Variants in BRI3 observed in about 807,000 individuals in gnomAD.
The protein encoded by BRI3 is membrane protein BRI3.
A neutral mutation model predicts 12.8 loss-of-function variants in BRI3; 6 were observed. The ratio of observed to expected loss-of-function variants is 0.47; its 90% CI spans 0.26 to 0.93. The LOEUF (loss-of-function observed/expected upper bound fraction) is 0.93. BRI3 is among the 40% of genes least tolerant of loss of function. BRI3 has a pLI of 0.15. For synonymous variants in BRI3, 91 were observed against 76.1 expected (o/e 1.20, Z -1.02); for missense variants, 134 against 171.1 (o/e 0.78, Z 1.21).
chr7:98,307,371 G>A, intron 1 of BRI3: 1 of 1,161,540 alleles, frequency 8.6e-7, no homozygotes, highest in Non-Finnish European at 1.1e-6. Context: ...CTCCCAAAGT[G>A]CTGGGATTAC....
At position 98,291,407 on chromosome 7, in the gene BRI3, G is replaced by A; in HGVS notation, c.*164G>A. On this transcript the variant is annotated 3_prime_UTR_variant, in exon 3 of 3. Transcript: ENST00000297290. ...GTTTCCCGGAGCGTGGAGAGGCAGT[G>A]CTGCTGCTCCCGCCCGAGGCTCATG... 2 of 1,450,160 alleles carry A rather than the reference G, an allele frequency of 1.4e-6. No homozygotes were observed. Among genetic ancestry groups the A allele is most frequent in the South Asian group, 2.9e-5 (2 of 68,226 alleles). 89.8% of individuals were successfully genotyped at this position (1,450,160 alleles called of 1,614,324 possible).
the BRI3 span, chr7:98,320,352 T>C: frequency 7.2e-7 from 1 of 1,391,328 alleles, no homozygotes; most frequent in South Asian, 1.3e-5. Context: ...TTTTTTGTTT[T>C]GAAATGGAGT....
upstream of BRI3, chr7:98,306,445 G>A (rs751577726): frequency 4.3e-6 from 7 of 1,614,200 alleles, no homozygotes; most frequent in South Asian, 6.6e-5. Flanking sequence ...CTACCTTGGC[G>A]TGGGCACGGT....
At chr7:98,292,831 G>A (rs1005323842), downstream of BRI3, 19 of 1,472,470 alleles carry the variant, frequency 1.3e-5, no homozygotes, top group Admixed American at 1.3e-4. Flanking sequence ...CGTGTGCAGC[G>A]AATCCGTTGG....
chr7:98,298,171 G>A (rs965383063), intron 1 of BRI3, among the ~76,000 whole-genome samples: 5 of 152,238 alleles, frequency 3.3e-5, no homozygotes, highest in Non-Finnish European at 5.9e-5. Context: ...CTCTCAGATC[G>A]TCTAATAAGA....
At chr7:98,307,369 G>A (rs986101888) in intron 1 of BRI3, 2 of 1,158,082 alleles carry the variant, frequency 1.7e-6, no homozygotes, top group Non-Finnish European at 2.2e-6. Flanking sequence ...GCCTCCCAAA[G>A]TGCTGGGATT....
downstream of BRI3, among the ~76,000 whole-genome samples, chr7:98,296,407 C>T (rs1200635344): frequency 6.6e-6 from 1 of 152,202 alleles, no homozygotes; most frequent in African/African-American, 2.4e-5. Context: ...GGGCGCATCA[C>T]CTGAGGTCGG....
upstream of BRI3, among the ~76,000 whole-genome samples, chr7:98,303,788 T>G (rs1279521304): frequency 6.6e-6 from 1 of 151,956 alleles, no homozygotes; most frequent in Admixed American, 6.6e-5. Context: ...TGCCTGGGAG[T>G]AAAGACTTTC....
At chr7:98,297,718 A>G (rs1424424193), downstream of BRI3, among the ~76,000 whole-genome samples, 1 of 152,102 alleles carries the variant, frequency 6.6e-6, no homozygotes, top group Non-Finnish European at 1.5e-5. Context: ...AGCCACTGGG[A>G]TCTTTTTGGA....
chr7:98,304,922 G>A (rs1317714558), upstream of BRI3, among the ~76,000 whole-genome samples: 1 of 148,542 alleles, frequency 6.7e-6, no homozygotes, highest in Non-Finnish European at 1.5e-5. Context: ...GTGGAGTGCA[G>A]TGGCGCGATC....
At chr7:98,322,507 A>G in the BRI3 span, among the ~76,000 whole-genome samples, 1 of 152,152 alleles carries the variant, frequency 6.6e-6, no homozygotes. Flanking sequence ...GGAGGCCATC[A>G]TCGGAGCCAC....
At chr7:98,315,708 A>C in the BRI3 span, 2 of 541,096 alleles carry the variant, frequency 3.7e-6, no homozygotes, top group African/African-American at 3.9e-5. Flanking sequence ...CCATCTTTAC[A>C]CCTGCTTTAT....
chr7:98,304,340 C>G, upstream of BRI3: 1 of 1,613,772 alleles, frequency 6.2e-7, no homozygotes, highest in Non-Finnish European at 8.5e-7. Flanking sequence ...TATTCTCAGA[C>G]AAGTTCACGG....
At chr7:98,286,739 TC>T (rs1486496749) in intron 2 of BRI3, among the ~76,000 whole-genome samples, 1 of 152,184 alleles carries the variant, frequency 6.6e-6, no homozygotes, top group African/African-American at 2.4e-5. Context: ...ATGCCAACAC[TC>T]CTTTTGAGGT....
At chr7:98,299,140 C>T (rs1415665394) in intron 1 of BRI3, among the ~76,000 whole-genome samples, 4 of 152,092 alleles carry the variant, frequency 2.6e-5, no homozygotes, top group Non-Finnish European at 1.5e-5. Context: ...CTCAGCCTCC[C>T]GAGTAGCTGG....
downstream of BRI3, among the ~76,000 whole-genome samples, chr7:98,296,681 T>C (rs1004483350): frequency 6.6e-6 from 1 of 152,150 alleles, no homozygotes; most frequent in Admixed American, 6.5e-5. Context: ...AAAAACATAT[T>C]GGACGTGTTC....
chr7:98,322,594 G>A, the BRI3 span, among the ~76,000 whole-genome samples: 2 of 152,164 alleles, frequency 1.3e-5, no homozygotes, highest in African/African-American at 4.8e-5. Flanking sequence ...GGGGCATGGC[G>A]TGTGAAGTCA....
chr7:98,312,011 G>C, downstream of BRI3: 1 of 1,378,408 alleles, frequency 7.3e-7, no homozygotes, highest in East Asian at 2.3e-5. Flanking sequence ...AGGGGGACCT[G>C]TGATTCCCAC....
chr7:98,306,819 T>TG, intron 1 of BRI3: 2 of 381,830 alleles, frequency 5.2e-6, no homozygotes. Flanking sequence ...GCAATCCCCC[T>TG]GCCTCAGCAT....
Sources: gnomAD v4.1 joint callset for allele counts (sites outside exome capture counted in the v4.1 genomes callset) on GRCh38, gnomAD v4.1.1 for gene constraint, MANE v1.5 for transcripts, NCBI Gene and HGNC (gene_info 2026-07-23, HGNC 2026-07-21) for gene names.